The following SYCE2 variants were observed in gnomAD, a reference collection of about 807,000 sequenced individuals.
The protein encoded by SYCE2 is central element synaptonemal complex 1.
In SYCE2, 3 loss-of-function variants were observed where a neutral mutation model predicts 27.9. The ratio of observed to expected loss-of-function variants is 0.11; its 90% CI spans 0.05 to 0.28. The LOEUF is 0.28. SYCE2 is among the 10% of genes least tolerant of loss of function. SYCE2 has a pLI of 1.00. For synonymous variants in SYCE2, 85 were observed against 100.7 expected (o/e 0.84, Z 0.93); for missense variants, 207 against 263.5 (o/e 0.79, Z 1.48).
Position 12,899,267 on chromosome 19 carries a change from CAG to C in SYCE2, c.*72_*73del. On this transcript the variant is annotated 3_prime_UTR_variant, in exon 6 of 6. Coordinates refer to ENST00000293695, the MANE Select transcript of SYCE2 (RefSeq NM_001105578.2). ...TATAGAACCATGAAAAACAATTTCT[CAG>C]TGTGGCCCAAATGGTGGCCTCACAG... is the stretch of plus-strand genomic sequence containing the variant. 1 of 1,332,196 alleles carries C rather than the reference CAG, an allele frequency of 7.5e-7. No homozygotes were observed. Among genetic ancestry groups the C allele is most frequent in the Non-Finnish European group, 1.1e-6 (1 of 925,080 alleles). 82.5% of individuals were successfully genotyped at this position (1,332,196 alleles called of 1,614,324 possible). A position where few individuals can be genotyped will look rare whatever the true frequency, so the allele number is the denominator to read the frequency against.
chr19:12,899,335 C>T lies in SYCE2; in HGVS notation c.*6G>A. 1 of 1,613,394 alleles carries T rather than the reference C, an allele frequency of 6.2e-7. No individual in the cohort carries two copies. Among genetic ancestry groups the T allele is most frequent in the Non-Finnish European group, 8.5e-7 (1 of 1,179,302 alleles). On this transcript the variant is annotated 3_prime_UTR_variant, in exon 6 of 6. Transcript: ENST00000293695. ...TGTCACTAAGGCGTGAGTCTCCCGGCAGCTGTCAGCATTCACCATCTCTGT... is the reference window on the plus strand; with the variant it reads ...TGTCACTAAGGCGTGAGTCTCCCGGTAGCTGTCAGCATTCACCATCTCTGT...
chr19:12,914,290 C>T (rs982959936), intron 2 of SYCE2: 6 of 152,164 alleles, frequency 3.9e-5, no homozygotes, highest in South Asian at 2.1e-4. Flanking sequence ...AGCCCTGATT[C>T]GTAGTGTTTG....
intron 3 of SYCE2, 43 bp from the exon 4 acceptor site, chr19:12,900,691 G>T (rs746709224): frequency 1.3e-6 from 2 of 1,554,630 alleles, no homozygotes; most frequent in South Asian, 1.1e-5. Context: ...CAAACAAGAG[G>T]TATCACAAGA....
rs1568431808 is a variant in SYCE2 at position 12,900,006 on chromosome 19, G to C, written c.610C>G (p.Gln204Glu). The C allele has an allele frequency of 3.1e-6, 5 of 1,613,118 alleles. No individual in the cohort carries two copies. Among genetic ancestry groups the C allele is most frequent in the Admixed American group, 1.7e-5 (1 of 59,944 alleles). The change falls in exon 5 of 6, where the codon CAG (glutamine) becomes GAG (glutamate). Residue 204 changes from glutamine to glutamate, a missense_variant and splice_region_variant. Coordinates refer to ENST00000293695, the MANE Select transcript of SYCE2 (RefSeq NM_001105578.2). ...FVSSVAETTS[Q>E]ATASEVQTNR... is the part of the protein sequence containing the mutation. ...CAGGCCGGTTTACTGGTAACCACCT[G>C]AGAAGTAGTTTCAGCCACAGAAGAA...
intron 2 of SYCE2, among the ~76,000 whole-genome samples, chr19:12,917,488 G>A (rs1283529135): frequency 2.0e-5 from 3 of 151,888 alleles, no homozygotes; most frequent in Non-Finnish European, 4.4e-5. Flanking sequence ...TTAGCCTCCC[G>A]AGTAGCTGGG....
rs1315347878 is a variant in SYCE2 at position 12,900,555 on chromosome 19, G to C, written c.400C>G (p.Gln134Glu). The C allele has an allele frequency of 2.5e-6, 4 of 1,614,012 alleles. No individual in the cohort carries two copies. In the South Asian group the frequency reaches 3.3e-5, roughly 13 times the overall value. The change falls in exon 4 of 6, where the codon CAG becomes GAG. Residue 134 changes from glutamine (Q) to glutamate (E), a missense_variant. Coordinates refer to ENST00000293695, the MANE Select transcript of SYCE2 (RefSeq NM_001105578.2). The stretch of plus-strand genomic sequence containing the variant: ...AAATGGCTGATCTTTGCCATTTTCT[G>C]GGTGAACTCTTGGAGCTTTTCCTGG... Reference protein sequence around the residue: ...IIQEKLQEFTQKMAKISHLET... With the variant: ...IIQEKLQEFTEKMAKISHLET...
At position 12,901,432 on chromosome 19, in the gene SYCE2, C is replaced by T. The variant is rs954522877; in HGVS notation, c.307-784G>A. On this transcript the variant is annotated intron_variant, in intron 3 of 5. Transcript: ENST00000293695. ...ACGCGCACTTGCAGTCCCAGCTACT[C>T]GGAAGGCTGAGGCAGGAGGATCACT... is the stretch of plus-strand genomic sequence containing the variant. 1.3e-3 allele frequency among the ~76,000 whole-genome samples: 195 copies of T among 149,718 alleles called. 4 individuals carry two copies. The highest frequency in any genetic ancestry group is 4.7e-3 in the African/African-American group (192 of 40,806).
At chr19:12,908,076 A>G (rs1970970980) in intron 2 of SYCE2, among the ~76,000 whole-genome samples, 1 of 151,640 alleles carries the variant, frequency 6.6e-6, no homozygotes, top group East Asian at 1.9e-4. Flanking sequence ...ATGCCACTGC[A>G]CTGGAGCCTA....
At chr19:12,903,240 C>T (rs1489755513) in intron 3 of SYCE2, among the ~76,000 whole-genome samples, 4 of 151,514 alleles carry the variant, frequency 2.6e-5, no homozygotes, top group Non-Finnish European at 4.4e-5. Flanking sequence ...TACAGGCGCC[C>T]GCCACCACGC....
rs546956662 is a variant in SYCE2, at chr19:12,913,333, A to G, written c.131+4889T>C. ...TCTGTTCGCTCCAGGTAAAGCTGTG[A>G]TTGGCAGGCGACTGAGCCAGAACTG... is the stretch of plus-strand genomic sequence containing the variant. On this transcript the variant is annotated intron_variant, in intron 2 of 5. Coordinates refer to ENST00000293695, the MANE Select transcript of SYCE2 (RefSeq NM_001105578.2). Among the ~76,000 whole-genome samples the G allele has an allele frequency of 3.9e-5, 6 of 152,340 alleles. No individual in the cohort carries two copies. The South Asian group carries it at 1.2e-3, about 32-fold the overall frequency.
At chr19:12,904,347 C>T (rs371057072) in intron 3 of SYCE2, 145 bp downstream of exon 3, 17 of 929,300 alleles carry the variant, frequency 1.8e-5, no homozygotes, top group South Asian at 1.1e-4. Flanking sequence ...TTTATTGGGA[C>T]GTAGCCCCAT....
intron 2 of SYCE2, among the ~76,000 whole-genome samples, chr19:12,906,684 G>A (rs1295468144): frequency 6.6e-6 from 1 of 152,028 alleles, no homozygotes; most frequent in East Asian, 1.9e-4. Flanking sequence ...CGAGGTGGGT[G>A]GATCACAAGG....
intron 2 of SYCE2, 175 bp from the exon 3 acceptor site, chr19:12,904,841 CA>C (rs1021478097): frequency 3.3e-5 from 21 of 629,348 alleles, no homozygotes; most frequent in South Asian, 8.1e-5. Flanking sequence ...CTAGTAAAAA[CA>C]AAAAAACAAA....
At chr19:12,901,618 T>G (rs990348507) in intron 3 of SYCE2, among the ~76,000 whole-genome samples, 1 of 152,048 alleles carries the variant, frequency 6.6e-6, no homozygotes, top group Non-Finnish European at 1.5e-5. Context: ...TTTGCTTTTT[T>G]TGTTTTGTTT....
At position 12,900,029 on chromosome 19, in the gene SYCE2, G is replaced by A; in HGVS notation, c.587C>T (p.Ser196Phe). The change falls in exon 5 of 6, where the codon TCT (serine) becomes TTT (phenylalanine). Residue 196 changes from serine to phenylalanine, a missense_variant. Coordinates refer to ENST00000293695, the MANE Select transcript of SYCE2 (RefSeq NM_001105578.2). ...GNSQPPDVFV[S>F]SVAETTSQAT... ...CTGAGAAGTAGTTTCAGCCACAGAA[G>A]AAACGAACACGTCTGGGGGCTGTGA... 2 of 1,613,654 alleles carry A rather than the reference G, an allele frequency of 1.2e-6. No homozygotes were observed. The highest frequency in any genetic ancestry group is 8.5e-7 in the Non-Finnish European group (1 of 1,179,996).
intron 2 of SYCE2, among the ~76,000 whole-genome samples, chr19:12,916,111 C>T (rs1174349663): frequency 6.6e-6 from 1 of 151,354 alleles, no homozygotes. Flanking sequence ...ACTCTGTCAC[C>T]CAGGATGGAG....
At chr19:12,900,809 C>A (rs1450456376) in intron 3 of SYCE2, 161 bp from the exon 4 acceptor site, 1 of 660,158 alleles carries the variant, frequency 1.5e-6, no homozygotes, top group South Asian at 2.0e-5. Context: ...TTTGGTAGGC[C>A]AAGGTGGGTG....
chr19:12,900,315 G>A, intron 4 of SYCE2, 145 bp downstream of exon 4: 1 of 1,082,910 alleles, frequency 9.2e-7, no homozygotes. Flanking sequence ...TCACAAACAA[G>A]ATGGTGAGTG....
intron 3 of SYCE2, 92 bp from the exon 4 acceptor site, chr19:12,900,740 A>T (rs1171838932): frequency 8.0e-7 from 1 of 1,257,186 alleles, no homozygotes; most frequent in East Asian, 2.3e-5. Flanking sequence ...TCTGCAATTT[A>T]TCTTATGAAA....
Sources: allele counts gnomAD v4.1 joint callset (sites outside exome capture counted in the v4.1 genomes callset), GRCh38; gene constraint gnomAD v4.1.1; transcripts MANE v1.5; gene names NCBI Gene and HGNC (gene_info 2026-07-23, HGNC 2026-07-21).